POF1B: variants seen among roughly 807,000 people sequenced by gnomAD.
The protein encoded by POF1B is protein POF1B.
POF1B carries 53 observed loss-of-function variants against 55.3 expected under a neutral mutation model. That is an observed-to-expected ratio of 0.96 (90% CI 0.77 to 1.20). The LOEUF is 1.20. Ranked by LOEUF, POF1B falls within the 50% of genes most tolerant of loss-of-function variation. POF1B has a pLI of 0.00. For synonymous variants in POF1B, 188 were observed against 148.3 expected, an observed-to-expected ratio of 1.27 and a Z score of -1.95; for missense variants, 478 against 420.5, an observed-to-expected ratio of 1.14 and a Z score of -1.20.
Position 85,306,176 on chromosome X carries a change from A to G in POF1B, c.1317+5T>C, listed in dbSNP as rs752977075. Reference sequence around the variant, plus strand: ...TACTGTATATTTAAAAGGAAGTTTTAATACCTGCATTCTAAGGTTTTGATT... The same window carrying G: ...TACTGTATATTTAAAAGGAAGTTTTGATACCTGCATTCTAAGGTTTTGATT... On this transcript the variant is annotated splice_donor_5th_base_variant and intron_variant, in intron 12 of 16. Coordinates refer to ENST00000262753, the MANE Select transcript of POF1B (RefSeq NM_024921.4). 2.9e-5 allele frequency: 35 copies of G among 1,190,100 alleles called. No individual in the cohort carries two copies. The East Asian group carries it at 1.0e-3, about 34-fold the overall frequency.
At chrX:85,346,425 G>C (rs1603062721) in intron 5 of POF1B, among the ~76,000 whole-genome samples, 1 of 109,571 alleles carries the variant, frequency 9.1e-6, no homozygotes, top group East Asian at 2.9e-4. Flanking sequence ...CGAAGATATA[G>C]GTAAATTTAA....
At chrX:85,291,721 T>C (rs1273141314) in intron 15 of POF1B, among the ~76,000 whole-genome samples, 6 of 108,498 alleles carry the variant, frequency 5.5e-5, no homozygotes, top group Admixed American at 4.8e-4. Context: ...CGCTCTCTGC[T>C]TGACTTTTGT....
intron 15 of POF1B, among the ~76,000 whole-genome samples, chrX:85,295,613 T>A (rs754741558): frequency 8.9e-6 from 1 of 111,918 alleles, no homozygotes; most frequent in South Asian, 3.7e-4. Context: ...TTTGATTTTT[T>A]AAAATTTATT....
chrX:85,361,579 T>C, intron 3 of POF1B, among the ~76,000 whole-genome samples: 1 of 111,777 alleles, frequency 8.9e-6, no homozygotes, highest in East Asian at 2.8e-4. Flanking sequence ...GTGTCTGTTC[T>C]TGTACCAGTA....
intron 4 of POF1B, among the ~76,000 whole-genome samples, chrX:85,354,300 C>T (rs1603068969): frequency 9.0e-6 from 1 of 110,610 alleles, no homozygotes; most frequent in Non-Finnish European, 1.9e-5. Context: ...TGTAGAATAT[C>T]AAGTATAAAA....
intron 6 of POF1B, among the ~76,000 whole-genome samples, chrX:85,334,672 C>T (rs1933036313): frequency 9.0e-6 from 1 of 110,966 alleles, no homozygotes; most frequent in African/African-American, 3.3e-5. Flanking sequence ...CTGGGAAAAT[C>T]TGTAGAAAGG....
In POF1B at chrX:85,320,301, A is replaced by T. The variant is rs776176281; in HGVS notation, c.855-4567T>A. On this transcript the variant is annotated intron_variant, in intron 7 of 16. Transcript: ENST00000262753. The stretch of plus-strand genomic sequence containing the variant: ...GATTAAGAAACTCACTCAAAACCGC[A>T]CAACTACATGGAAACTGAACAACCT... 3.7e-3 allele frequency among the ~76,000 whole-genome samples: 408 copies of T among 110,804 alleles called. 2 individuals are homozygous for T. The highest frequency in any genetic ancestry group is 0.012 in the African/African-American group (377 of 30,536).
chrX:85,293,170 G>T (rs1932230720), intron 15 of POF1B, among the ~76,000 whole-genome samples: 1 of 111,826 alleles, frequency 8.9e-6, no homozygotes, highest in Non-Finnish European at 1.9e-5. Flanking sequence ...TCTCATTACT[G>T]GGTATATACC....
intron 8 of POF1B, among the ~76,000 whole-genome samples, chrX:85,315,461 A>T (rs1389314530): frequency 2.7e-5 from 3 of 111,245 alleles, no homozygotes; most frequent in Non-Finnish European, 5.7e-5. Context: ...TAAACATTGC[A>T]ATAAGCATAG....
rs747104592 is a variant in POF1B, at chrX:85,279,375, C to CA, written c.*45dup. 2 of 1,055,758 alleles carry CA rather than the reference C, an allele frequency of 1.9e-6. No individual in the cohort carries two copies. Among genetic ancestry groups the CA allele is most frequent in the Non-Finnish European group, 2.6e-6 (2 of 771,962 alleles). The allele number at this position is 1,055,758 out of a possible 1,213,427, so 87.0% of individuals were successfully genotyped here. ...AAGTACTAATGCAGAGACACACACA[C>CA]AAAAAAAAAACGGCTTTGAGTTGTA... On this transcript the variant is annotated 3_prime_UTR_variant, in exon 17 of 17. Coordinates refer to ENST00000262753, the MANE Select transcript of POF1B (RefSeq NM_024921.4).
At chrX:85,346,741 G>A (rs1012024534) in intron 5 of POF1B, among the ~76,000 whole-genome samples, 1 of 110,367 alleles carries the variant, frequency 9.1e-6, no homozygotes, top group African/African-American at 3.3e-5. Flanking sequence ...TCTATAAGTT[G>A]ATTACTACAA....
chrX:85,321,883 C>A (rs1260109067), intron 7 of POF1B, among the ~76,000 whole-genome samples: 1 of 109,576 alleles, frequency 9.1e-6, no homozygotes, highest in East Asian at 2.9e-4. Flanking sequence ...ATCCAACTTA[C>A]AAGGGATGTG....
At chrX:85,321,256 G>C (rs1465534609) in intron 7 of POF1B, among the ~76,000 whole-genome samples, 1 of 111,065 alleles carries the variant, frequency 9.0e-6, no homozygotes, top group African/African-American at 3.3e-5. Context: ...GATCAAGTGG[G>C]CTTCATCCCT....
rs1056030665 is a variant in POF1B at position 85,315,747 on chromosome X, A to T, written c.855-13T>A. ...AAAGTCCTGTTTGCTGCAAGAACAA[A>T]AAAAAAGATACACAACTTTAGGAAA... On this transcript the variant is annotated splice_polypyrimidine_tract_variant and intron_variant, in intron 7 of 16. Coordinates refer to ENST00000262753, the MANE Select transcript of POF1B (RefSeq NM_024921.4). 4 of 1,166,666 alleles carry T rather than the reference A, an allele frequency of 3.4e-6. No homozygotes were observed. The highest frequency in any genetic ancestry group is 4.6e-6 in the Non-Finnish European group (4 of 873,795).
At chrX:85,313,547 G>A (rs908995778) in intron 9 of POF1B, among the ~76,000 whole-genome samples, 10 of 111,837 alleles carry the variant, frequency 8.9e-5, no homozygotes, top group Non-Finnish European at 5.6e-5. Context: ...TGGTGGATAA[G>A]CTTTTTGATA....
chrX:85,340,094 G>T (rs1190316166), intron 6 of POF1B, among the ~76,000 whole-genome samples: 1 of 111,140 alleles, frequency 9.0e-6, no homozygotes, highest in Non-Finnish European at 1.9e-5. Flanking sequence ...CTTGGAGTAT[G>T]AGCAGGGTGG....
At chrX:85,351,656 T>TA (rs1206586228) in intron 4 of POF1B, among the ~76,000 whole-genome samples, 1 of 110,605 alleles carries the variant, frequency 9.0e-6, no homozygotes, top group African/African-American at 3.3e-5. Flanking sequence ...AATCTGGATT[T>TA]CTCCTATTAC....
intron 2 of POF1B, among the ~76,000 whole-genome samples, chrX:85,375,541 C>T (rs759946203): frequency 3.6e-5 from 4 of 111,695 alleles, no homozygotes; most frequent in Non-Finnish European, 7.5e-5. Context: ...AAGAGGAGAC[C>T]AAAGCTGAAA....
chrX:85,333,397 G>T (rs1234716456), intron 6 of POF1B, among the ~76,000 whole-genome samples: 1 of 111,195 alleles, frequency 9.0e-6, no homozygotes, highest in Non-Finnish European at 1.9e-5. Context: ...TACCACAAAA[G>T]AAATAAACAA....
Sources: allele counts gnomAD v4.1 joint callset (sites outside exome capture counted in the v4.1 genomes callset), GRCh38; gene constraint gnomAD v4.1.1; transcripts MANE v1.5; gene names NCBI Gene and HGNC (gene_info 2026-07-23, HGNC 2026-07-21).